Variants in COL6A6 observed in about 807,000 individuals in gnomAD.
The protein encoded by COL6A6 is collagen alpha-6(VI) chain.
Under a neutral mutation model 208.6 loss-of-function variants are expected in COL6A6, and 183 were observed. The ratio of observed to expected loss-of-function variants is 0.88; its 90% confidence interval spans 0.78 to 0.99. COL6A6 has a LOEUF of 0.99. Ranked by LOEUF, COL6A6 falls within the 50% of genes least tolerant of loss-of-function variation. The probability of loss-of-function intolerance (pLI) is 0.00; values close to 1 mark genes in which losing one functional copy is unlikely to be tolerated. For missense variants in COL6A6, 2,816 were observed against 2,815.2 expected (o/e 1.00, Z -0.01); for synonymous variants, 973 against 1,011.8 (o/e 0.96, Z 0.73).
intron 5 of COL6A6, 69 bp downstream of exon 5, chr3:130,567,331 T>G: frequency 8.2e-7 from 1 of 1,214,002 alleles, no homozygotes; most frequent in Non-Finnish European, 1.2e-6. Flanking sequence ...TAATTGACAT[T>G]GCTGGTTTAG....
At chr3:130,627,435 C>A in intron 26 of COL6A6, 66 bp downstream of exon 26, 1 of 1,429,890 alleles carries the variant, frequency 7.0e-7, no homozygotes, top group Admixed American at 1.7e-5. Flanking sequence ...TTGTTTGCCA[C>A]ATTTAAGAGA....
chr3:130,558,817 G>A (rs2062821572), intron 1 of COL6A6, among the ~76,000 whole-genome samples: 1 of 152,174 alleles, frequency 6.6e-6, no homozygotes, highest in African/African-American at 2.4e-5. Context: ...AAGTCTCTTA[G>A]TTCTTAGAAA....
chr3:130,623,806 G>T lies in COL6A6; in HGVS notation c.4878+1923G>T, dbSNP rs530062094. Among the ~76,000 whole-genome samples the T allele has an allele frequency of 5.9e-5, 9 of 152,280 alleles. No homozygotes were observed. The South Asian group carries it at 1.9e-3, about 32-fold the overall frequency. On this transcript the variant is annotated intron_variant, in intron 24 of 36. Coordinates refer to ENST00000358511, the MANE Select transcript of COL6A6 (RefSeq NM_001102608.3). ...TGGATTAAAAATAACTCTTGGTGAT[G>T]CCTCTTTGTAAGAAGTCCAAGAGGA...
intron 8 of COL6A6, 94 bp from the exon 9 acceptor site, chr3:130,581,467 A>G: frequency 1.1e-6 from 1 of 881,342 alleles, no homozygotes; most frequent in East Asian, 2.5e-5. Context: ...TATAACTGAA[A>G]TAGAATTCCA....
At chr3:130,673,875 T>G (rs2066294431) in intron 36 of COL6A6, among the ~76,000 whole-genome samples, 1 of 152,138 alleles carries the variant, frequency 6.6e-6, no homozygotes, top group South Asian at 2.1e-4. Context: ...GAAGATCACT[T>G]GAGCCCAGGA....
At chr3:130,553,285 T>A (rs2062688833) in intron 1 of COL6A6, among the ~76,000 whole-genome samples, 1 of 152,238 alleles carries the variant, frequency 6.6e-6, no homozygotes, top group South Asian at 2.1e-4. Flanking sequence ...GGAATGCCAA[T>A]GAGTCATAGA....
chr3:130,596,365 T>G (rs1466189438), intron 18 of COL6A6, among the ~76,000 whole-genome samples: 2 of 152,204 alleles, frequency 1.3e-5, no homozygotes, highest in African/African-American at 4.8e-5. Flanking sequence ...GATCAGAATT[T>G]CTCCTAAATT....
At chr3:130,557,284 T>C (rs771897589) in intron 1 of COL6A6, among the ~76,000 whole-genome samples, 13 of 152,234 alleles carry the variant, frequency 8.5e-5, no homozygotes, top group African/African-American at 1.4e-4. Flanking sequence ...AAAATGCAAC[T>C]GGGGGAAAGT....
chr3:130,592,965 T>A lies in COL6A6; in HGVS notation c.4372-96T>A, dbSNP rs1335849580. ...CCCAGGCCCAGCCTCACAAGGAGGC[T>A]GTATGTGAAACACAAAAATAGAGTT... On this transcript the variant is annotated intron_variant, in intron 15 of 36. Coordinates refer to ENST00000358511, the MANE Select transcript of COL6A6 (RefSeq NM_001102608.3). 6 of 1,133,532 alleles carry A rather than the reference T, an allele frequency of 5.3e-6. No homozygotes were observed. In the East Asian group the frequency reaches 1.4e-4, roughly 27 times the overall value. The allele number at this position is 1,133,532 out of a possible 1,614,324, so 70.2% of individuals were successfully genotyped here.
At chr3:130,538,378 A>G (rs1423933405) in intron 1 of COL6A6, among the ~76,000 whole-genome samples, 2 of 152,356 alleles carry the variant, frequency 1.3e-5, no homozygotes, top group South Asian at 4.1e-4. Flanking sequence ...GAGAGAGTAA[A>G]TAAAGTTCCT....
intron 11 of COL6A6, among the ~76,000 whole-genome samples, chr3:130,587,386 C>A (rs766652488): frequency 2.4e-4 from 37 of 152,162 alleles, no homozygotes; most frequent in Non-Finnish European, 1.3e-4. Flanking sequence ...CTCAGCCTCC[C>A]GAGTAGCTGG....
intron 26 of COL6A6, among the ~76,000 whole-genome samples, chr3:130,628,830 G>C (rs1326808790): frequency 1.3e-5 from 1 of 75,580 alleles, no homozygotes; most frequent in Admixed American, 1.9e-4. Context: ...ACCTGCAGCT[G>C]AGGGTCCTGT....
chr3:130,592,127 C>T (rs2063731034), intron 13 of COL6A6, among the ~76,000 whole-genome samples: 1 of 152,042 alleles, frequency 6.6e-6, no homozygotes, highest in African/African-American at 2.4e-5. Flanking sequence ...GTGGGAAGCA[C>T]AGGGGTCAAA....
chr3:130,672,732 C>T (rs1217051078), intron 36 of COL6A6, among the ~76,000 whole-genome samples: 2 of 150,764 alleles, frequency 1.3e-5, no homozygotes, highest in African/African-American at 2.4e-5. Flanking sequence ...TGATTATTGC[C>T]GGGTGTGGCG....
chr3:130,675,470 C>A lies in COL6A6; in HGVS notation c.*73C>A. The A allele has an allele frequency of 8.7e-7, 1 of 1,146,762 alleles. No homozygotes were observed. Among genetic ancestry groups the A allele is most frequent in the Non-Finnish European group, 1.2e-6 (1 of 824,806 alleles). The allele number at this position is 1,146,762 out of a possible 1,614,324, so 71.0% of individuals were successfully genotyped here. ...ACTTAAATAGTAACTAAATCTGCTG[C>A]CAGAACTCAAGCAACAGTTTGTAGG... On this transcript the variant is annotated 3_prime_UTR_variant, in exon 37 of 37. Coordinates refer to ENST00000358511, the MANE Select transcript of COL6A6 (RefSeq NM_001102608.3).
At position 130,597,631 on chromosome 3, in the gene COL6A6, A is replaced by G. The variant is rs1460993190; in HGVS notation, c.4534-734A>G. Among the ~76,000 whole-genome samples the G allele has an allele frequency of 2.0e-5, 3 of 152,234 alleles. No individual in the cohort carries two copies. The East Asian group carries it at 5.8e-4, about 29-fold the overall frequency. On this transcript the variant is annotated intron_variant, in intron 18 of 36. Coordinates refer to ENST00000358511, the MANE Select transcript of COL6A6 (RefSeq NM_001102608.3). ...AACTGATTGTCTCAACATCATGGAG[A>G]CACAGCTCTGTTTGTGGTTCATACG...
intron 33 of COL6A6, among the ~76,000 whole-genome samples, chr3:130,655,029 G>C (rs993399558): frequency 7.2e-5 from 11 of 152,122 alleles, no homozygotes; most frequent in Non-Finnish European, 1.2e-4. Flanking sequence ...ACAACCTGAA[G>C]ACATCTCAAA....
chr3:130,625,740 G>T (rs2064866268), intron 24 of COL6A6, among the ~76,000 whole-genome samples: 1 of 152,092 alleles, frequency 6.6e-6, no homozygotes. Context: ...AGGTTAAAAA[G>T]AAAAAATCTG....
intron 24 of COL6A6, among the ~76,000 whole-genome samples, chr3:130,622,783 G>A (rs578178833): frequency 6.6e-6 from 1 of 152,186 alleles, no homozygotes; most frequent in East Asian, 1.9e-4. Context: ...TGTGAATCCG[G>A]GAGGCAGAGT....
Sources: allele counts gnomAD v4.1 joint callset (sites outside exome capture counted in the v4.1 genomes callset), GRCh38; gene constraint gnomAD v4.1.1; transcripts MANE v1.5; gene names NCBI Gene and HGNC (gene_info 2026-07-23, HGNC 2026-07-21).